Variants in NPFFR1 observed in about 807,000 individuals in gnomAD.
NPFFR1 encodes the protein G-protein coupled receptor 147.
A neutral mutation model predicts 12.7 loss-of-function variants in NPFFR1; 17 were observed. That is an observed-to-expected ratio of 1.34 (90% CI 0.92 to 2.01). NPFFR1 has a LOEUF of 2.01. Among genes scored for constraint, NPFFR1 ranks in the 30% most tolerant of loss-of-function variants. NPFFR1 has a pLI of 0.00. For missense variants in NPFFR1, 604 were observed against 606.5 expected (o/e 1.00, Z 0.04); for synonymous variants, 296 against 264.5 (o/e 1.12, Z -1.16).
Position 70,255,405 on chromosome 10 carries a change from G to C in NPFFR1, c.845C>G (p.Ser282Cys). 1 of 1,546,584 alleles carries C rather than the reference G, an allele frequency of 6.5e-7. No individual in the cohort carries two copies. The highest frequency in any genetic ancestry group is 2.4e-5 in the East Asian group (1 of 40,972). ...CAGCAGCGCCCAGAGCGGCAGCCAG[G>C]ACAGCGTGAAGAACAGCGCCACCAT... ...LVMVALFFTL[S>C]WLPLWALLLL... Residue 282 changes from serine to cysteine, a missense_variant, in exon 4 of 4, where the codon TCC becomes TGC. Ser to Cys is a moderately radical substitution (Grantham distance 112). Coordinates refer to ENST00000277942, the MANE Select transcript of NPFFR1 (RefSeq NM_022146.5). This position sits in a 1 kb window ranked among gnomAD's most constrained non-coding sequence, Gnocchi z 4.2.
chr10:70,255,139 G>C lies in NPFFR1; in HGVS notation c.1111C>G (p.Arg371Gly), dbSNP rs1381737581. The C allele has an allele frequency of 6.5e-7, 1 of 1,531,228 alleles. No individual in the cohort carries two copies. The highest frequency in any genetic ancestry group is 8.8e-7 in the Non-Finnish European group (1 of 1,140,910). The allele number at this position is 1,531,228 out of a possible 1,614,324, so 94.9% of individuals were successfully genotyped here. ...CTGGGCCGCACCACCACGAAGACCC[G>C]CCTGTGCAGAAGCCCGCCGGGCCGC... ...SERPGGLLHRRVFVVVRPSDS... is the reference protein window; with the variant it reads ...SERPGGLLHRGVFVVVRPSDS... The change falls in exon 4 of 4, where the codon CGG (arginine) becomes GGG (glycine). Residue 371 changes from arginine (R) to glycine (G), a missense_variant. By Grantham distance (125) the Arg-to-Gly change is moderately radical. Coordinates refer to ENST00000277942, the MANE Select transcript of NPFFR1 (RefSeq NM_022146.5). The surrounding 1 kb of genome is among the most constrained non-coding windows in gnomAD (Gnocchi z 4.2).
intron 1 of NPFFR1, among the ~76,000 whole-genome samples, chr10:70,271,687 G>A (rs1840743443): frequency 6.6e-6 from 1 of 152,102 alleles, no homozygotes; most frequent in Non-Finnish European, 1.5e-5. Flanking sequence ...TCGATGAGAC[G>A]ACATGTGAGA....
intron 3 of NPFFR1, among the ~76,000 whole-genome samples, chr10:70,257,161 T>C (rs1840581049): frequency 6.6e-6 from 1 of 152,150 alleles, no homozygotes. Flanking sequence ...CACAGGAGGC[T>C]GAGGCAGGAT....
rs1179713633 is a variant in NPFFR1 at position 70,283,654 on chromosome 10, C to A, written c.7+16G>T. 3.3e-6 allele frequency: 5 copies of A among 1,535,062 alleles called. 1 individual carries two copies. The Admixed American group carries it at 7.8e-5, about 24-fold the overall frequency. On this transcript the variant is annotated intron_variant, in intron 1 of 3. Transcript: ENST00000277942. ...ACCCTGCCCCACGGCTGGCCCCCAG[C>A]CCCAGGACCACTCACCCTCCATGAT...
chr10:70,281,863 G>A (rs1461944353), intron 1 of NPFFR1, among the ~76,000 whole-genome samples: 1 of 152,158 alleles, frequency 6.6e-6, no homozygotes. Context: ...CTTTGCAAGT[G>A]TGCAGCTCAG....
chr10:70,283,702 G>A lies in NPFFR1; in HGVS notation c.-26C>T, dbSNP rs1371678650. 3.9e-6 allele frequency: 6 copies of A among 1,534,896 alleles called. No homozygotes were observed. The highest frequency in any genetic ancestry group is 5.2e-6 in the Non-Finnish European group (6 of 1,146,348). On this transcript the variant is annotated 5_prime_UTR_variant, in exon 1 of 4. Coordinates refer to ENST00000277942, the MANE Select transcript of NPFFR1 (RefSeq NM_022146.5). ...GATGCCCCCAGTTGCGGGCTCCGGC[G>A]GTCTCCGATGGCGGGAGGCAGCGGG... is the stretch of plus-strand genomic sequence containing the variant.
chr10:70,268,947 C>T (rs1193789725), intron 1 of NPFFR1, among the ~76,000 whole-genome samples: 1 of 152,158 alleles, frequency 6.6e-6, no homozygotes, highest in Non-Finnish European at 1.5e-5. Flanking sequence ...ACCACCATCC[C>T]CATATTGCAT....
At chr10:70,278,475 T>C (rs192911843) in intron 1 of NPFFR1, among the ~76,000 whole-genome samples, 155 of 152,320 alleles carry the variant, frequency 1.0e-3, no homozygotes, top group Non-Finnish European at 1.8e-3. Context: ...TAACCTTAAA[T>C]CTTGACTTTA....
At chr10:70,256,308 T>A (rs1017792013) in intron 3 of NPFFR1, among the ~76,000 whole-genome samples, 4 of 152,204 alleles carry the variant, frequency 2.6e-5, no homozygotes, top group Admixed American at 1.3e-4. Flanking sequence ...TCTCAAAGTC[T>A]TGGGCTCAAG....
rs77343385 is a variant in NPFFR1, at chr10:70,254,804, G to A, written c.*153C>T. 2.1e-3 allele frequency: 1,965 copies of A among 917,998 alleles called. 68 individuals carry two copies. In the East Asian group the frequency reaches 0.056, roughly 26 times the overall value. The allele number at this position is 917,998 out of a possible 1,614,324, so 56.9% of individuals were successfully genotyped here. ...GCCTCTACTGAGGGTGAAGGCAGCA[G>A]AGAAGACATCACCAGCAGCTGCCCA... On this transcript the variant is annotated 3_prime_UTR_variant, in exon 4 of 4. Transcript: ENST00000277942.
intron 1 of NPFFR1, among the ~76,000 whole-genome samples, chr10:70,277,424 G>A (rs572818343): frequency 1.6e-4 from 24 of 152,292 alleles, no homozygotes; most frequent in Admixed American, 1.3e-4. Flanking sequence ...GCAGCCCCAG[G>A]ATGATGATAT....
Position 70,266,330 on chromosome 10 carries a change from C to G in NPFFR1, c.69G>C (p.Glu23Asp). Residue 23 changes from glutamate (E) to aspartate (D), a missense_variant, in exon 2 of 4, where the codon GAG (glutamate) becomes GAC (aspartate). By Grantham distance (45) the Glu-to-Asp change is conservative (BLOSUM62 2). Transcript: ENST00000277942. ...AGGTGAGGTTTGTAGCCGGGGTGGC[C>G]TCAGTGTTAGTCCCATTCTGACTTA... Reference protein sequence around the residue: ...WPLSQNGTNTEATPATNLTFS... With the variant: ...WPLSQNGTNTDATPATNLTFS... 6.2e-7 allele frequency: 1 copy of G among 1,613,714 alleles called. No homozygotes were observed. The highest frequency in any genetic ancestry group is 2.2e-5 in the East Asian group (1 of 44,886).
chr10:70,276,490 G>A (rs1056138047), intron 1 of NPFFR1, among the ~76,000 whole-genome samples: 11 of 151,872 alleles, frequency 7.2e-5, no homozygotes, highest in African/African-American at 2.2e-4. Context: ...ATTAGAAAAA[G>A]GAAAGCTCTA....
rs184070579 is a variant in NPFFR1 at position 70,249,937 on chromosome 10, G to A, written c.*5020C>T. On this transcript the variant is annotated 3_prime_UTR_variant, in exon 4 of 4. Coordinates refer to ENST00000277942, the MANE Select transcript of NPFFR1 (RefSeq NM_022146.5). ...TCTTTTTTTTTTTTTTTTTGAGACA[G>A]TCTTGCTCTGTCACCCAGGTTGGAG... The A allele has an allele frequency of 8.0e-5, 10 of 124,998 alleles. No homozygotes were observed. The highest frequency in any genetic ancestry group is 1.6e-4 in the Non-Finnish European group (10 of 61,678). The allele number at this position is 124,998 out of a possible 1,614,324, so 7.7% of individuals were successfully genotyped here. A position where few individuals can be genotyped will look rare whatever the true frequency, so the allele number is the denominator to read the frequency against.
At chr10:70,256,011 A>G in intron 3 of NPFFR1, among the ~76,000 whole-genome samples, 184 bp from the exon 4 acceptor site, 1 of 151,556 alleles carries the variant, frequency 6.6e-6, no homozygotes, top group South Asian at 2.1e-4. Flanking sequence ...ATGAGAAGGG[A>G]GGAGGAAACC....
chr10:70,273,073 C>G (rs1016901665), intron 1 of NPFFR1, among the ~76,000 whole-genome samples: 1 of 152,134 alleles, frequency 6.6e-6, no homozygotes, highest in East Asian at 1.9e-4. Flanking sequence ...GAAACTGATA[C>G]GTGTGATAAA....
intron 2 of NPFFR1, among the ~76,000 whole-genome samples, chr10:70,261,443 C>A (rs776269493): frequency 4.6e-5 from 7 of 152,178 alleles, no homozygotes; most frequent in African/African-American, 1.4e-4. Flanking sequence ...CTAATATACA[C>A]GGGTTTTGCT....
intron 2 of NPFFR1, among the ~76,000 whole-genome samples, chr10:70,265,550 C>G (rs888417729): frequency 1.3e-5 from 2 of 152,206 alleles, no homozygotes; most frequent in Non-Finnish European, 2.9e-5. Context: ...GTGCCCTGCT[C>G]AATTTCCAGC....
chr10:70,261,134 A>G (rs1840629364), intron 2 of NPFFR1, among the ~76,000 whole-genome samples: 1 of 151,986 alleles, frequency 6.6e-6, no homozygotes. Context: ...AATCCCCACG[A>G]GTCATGGGAA....
Sources: gnomAD v4.1 joint callset for allele counts (sites outside exome capture counted in the v4.1 genomes callset) on GRCh38, gnomAD v4.1.1 for gene constraint, Gnocchi (gnomAD v3.1) non-coding constraint, MANE v1.5 for transcripts, NCBI Gene and HGNC (gene_info 2026-07-23, HGNC 2026-07-21) for gene names.